The following TUBGCP2 variants were observed in gnomAD, a reference collection of about 807,000 sequenced individuals.
TUBGCP2 encodes the protein gamma-tubulin complex component 2.
Under a neutral mutation model 92.2 loss-of-function variants are expected in TUBGCP2, and 55 were observed. The observed-to-expected ratio is 0.60, with a 90% CI of 0.48 to 0.75. The LOEUF is 0.75. TUBGCP2 is among the 30% of genes least tolerant of loss of function. TUBGCP2 has a pLI of 0.00. For missense variants in TUBGCP2, 1,093 were observed against 1,188.9 expected (o/e 0.92, Z 1.19); for synonymous variants, 533 against 505.2 (o/e 1.06, Z -0.74).
chr10:133,285,159 G>A lies in TUBGCP2; in HGVS notation c.1950C>T (p.His650=), dbSNP rs772208289. 4.5e-5 allele frequency: 72 copies of A among 1,613,468 alleles called. No homozygotes were observed. The highest frequency in any genetic ancestry group is 1.3e-4 in the East Asian group (6 of 44,888). Residue 650 remains histidine (H), a synonymous_variant, in exon 13 of 18, where the codon CAC becomes CAT. Coordinates refer to ENST00000252936, the MANE Select transcript of TUBGCP2 (RefSeq NM_006659.4). The surrounding 1 kb of genome is among the most constrained non-coding windows in gnomAD (Gnocchi z 6.8). The part of the protein sequence containing the change: ...MLFRHMFYCK[H]VERQLCSVWI... ...AGACGCTGCAGAGCTGCCGCTCCAC[G>A]TGCTTGCAGTAGAACATGTGCCTGA...
In TUBGCP2 at chr10:133,279,035, G is replaced by C. The variant is rs1376026602; in HGVS notation, c.*731C>G. 6.6e-6 allele frequency: 1 copy of C among 152,354 alleles called. No homozygotes were observed. Among genetic ancestry groups the C allele is most frequent in the Non-Finnish European group, 1.5e-5 (1 of 68,116 alleles). 9.4% of individuals were successfully genotyped at this position (152,354 alleles called of 1,614,324 possible). ...CCCACTGTAGCCCTGGAGGTGGGAA[G>C]ACAGGGCAGATGATCGCCCGAGGGG... On this transcript the variant is annotated 3_prime_UTR_variant, in exon 18 of 18. Transcript: ENST00000252936.
intron 8 of TUBGCP2, chr10:133,290,896 C>T (rs1847269629): frequency 1.3e-5 from 2 of 152,966 alleles, no homozygotes; most frequent in South Asian, 2.1e-4. Context: ...ATAACATTTC[C>T]ACATCACTAA....
At chr10:133,309,755 T>C (rs779291673), upstream of TUBGCP2, 5 of 1,611,784 alleles carry the variant, frequency 3.1e-6, no homozygotes, top group Non-Finnish European at 4.2e-6. Flanking sequence ...GAAGGGCTCC[T>C]GAAGCACGTC....
At chr10:133,291,827 GTGTCCCCCA>G (rs1281975255) in intron 8 of TUBGCP2, among the ~76,000 whole-genome samples, 660 of 15,068 alleles carry the variant, frequency 0.044, 74 homozygotes, top group East Asian at 0.23. Context: ...ATGTCCCTCC[GTGTCCCCCA>G]TGTCCCTCCG....
chr10:133,295,559 G>A (rs939682583), intron 5 of TUBGCP2: 11 of 152,360 alleles, frequency 7.2e-5, no homozygotes, highest in East Asian at 1.9e-4. Context: ...CACCGAACAC[G>A]TGGCTCCTCC....
rs779381493 is a variant in TUBGCP2, at chr10:133,299,395, A to T, written c.456+32T>A. On this transcript the variant is annotated intron_variant, in intron 4 of 17. Coordinates refer to ENST00000252936, the MANE Select transcript of TUBGCP2 (RefSeq NM_006659.4). The stretch of plus-strand genomic sequence containing the variant: ...CCACGGACACAGGACCTGCTGCAGC[A>T]TGGAGCCTGTGGACAGCCATGGACG... 77 of 1,541,602 alleles carry T rather than the reference A, an allele frequency of 5.0e-5. No individual in the cohort carries two copies. The South Asian group carries it at 9.0e-4, about 18-fold the overall frequency.
upstream of TUBGCP2, chr10:133,308,977 G>A (rs1221068695): frequency 1.6e-6 from 2 of 1,243,528 alleles, no homozygotes; most frequent in Non-Finnish European, 2.0e-6. Flanking sequence ...CGCCCGCCTC[G>A]CTGCGGGGCC....
intron 1 of TUBGCP2, chr10:133,308,376 G>A (rs1589840540): frequency 6.6e-6 from 1 of 152,300 alleles, no homozygotes; most frequent in Admixed American, 6.5e-5. Context: ...TTGAACTAAA[G>A]TAACGGGAAG....
At chr10:133,309,380 T>C (rs754840384), upstream of TUBGCP2, 21 of 1,610,214 alleles carry the variant, frequency 1.3e-5, no homozygotes, top group Non-Finnish European at 1.8e-5. Flanking sequence ...ACGGCGCACT[T>C]TTCCTGCAGG....
At chr10:133,283,472 C>T (rs1209542935) in intron 14 of TUBGCP2, among the ~76,000 whole-genome samples, 1 of 152,264 alleles carries the variant, frequency 6.6e-6, no homozygotes, top group Non-Finnish European at 1.5e-5. Flanking sequence ...TTGGTACCAA[C>T]AGATTCTGCC....
At chr10:133,297,865 A>C (rs1847526060) in intron 5 of TUBGCP2, 87 bp downstream of exon 5, 1 of 1,558,544 alleles carries the variant, frequency 6.4e-7, no homozygotes, top group Non-Finnish European at 8.7e-7. Context: ...GGCCAGAAAT[A>C]AACACATGAC....
chr10:133,300,828 T>C (rs1034715311), intron 2 of TUBGCP2, among the ~76,000 whole-genome samples: 5 of 152,190 alleles, frequency 3.3e-5, no homozygotes, highest in African/African-American at 1.2e-4. Context: ...TTCCCCCCAG[T>C]AGTTTATGCG....
intron 4 of TUBGCP2, among the ~76,000 whole-genome samples, chr10:133,298,590 TG>T (rs1411397026): frequency 6.6e-6 from 1 of 152,238 alleles, no homozygotes; most frequent in Non-Finnish European, 1.5e-5. Context: ...TCCTGACATG[TG>T]GTCAGAGAGC....
intron 17 of TUBGCP2, among the ~76,000 whole-genome samples, chr10:133,280,579 G>A (rs1206329399): frequency 3.3e-5 from 5 of 152,220 alleles, no homozygotes; most frequent in African/African-American, 9.6e-5. Context: ...GCCGCAGGGT[G>A]CCAATGGGGC....
At chr10:133,297,652 G>A (rs925600390) in intron 5 of TUBGCP2, among the ~76,000 whole-genome samples, 7 of 152,222 alleles carry the variant, frequency 4.6e-5, no homozygotes, top group South Asian at 2.1e-4. Flanking sequence ...CCAGGATGCC[G>A]GCTGGGGAGG....
At position 133,308,227 on chromosome 10, in the gene TUBGCP2, G is replaced by A. The variant is rs560123655; in HGVS notation, c.-40+596C>T. ...TAGGTGACTCTTTACTCTGACGTCT[G>A]TCTCTCCTACAAGGCTGCCGCGCCC... On this transcript the variant is annotated intron_variant, in intron 1 of 17. Coordinates refer to ENST00000252936, the MANE Select transcript of TUBGCP2 (RefSeq NM_006659.4). Among the ~76,000 whole-genome samples, 20 of 152,292 alleles carry A rather than the reference G, an allele frequency of 1.3e-4. No individual in the cohort carries two copies. The South Asian group carries it at 2.3e-3, about 17-fold the overall frequency.
rs995234775 is a variant in TUBGCP2, at chr10:133,295,854, G to A, written c.617-2085C>T. ...CGTGGTGTGGCACTGGTCAAATCGT[G>A]GGGTGAGGAGCTAGACAGGCCCCGG... On this transcript the variant is annotated intron_variant, in intron 5 of 17. Transcript: ENST00000252936. 2.0e-5 allele frequency: 3 copies of A among 152,724 alleles called. No individual in the cohort carries two copies. In the East Asian group the frequency reaches 5.8e-4, roughly 29 times the overall value. The allele number at this position is 152,724 out of a possible 1,614,324, so 9.5% of individuals were successfully genotyped here. A position where few individuals can be genotyped will look rare whatever the true frequency, so the allele number is the denominator to read the frequency against.
chr10:133,280,977 T>C (rs1271697171), intron 17 of TUBGCP2, among the ~76,000 whole-genome samples: 4 of 107,424 alleles, frequency 3.7e-5, no homozygotes, highest in South Asian at 3.1e-4. Flanking sequence ...CAGGGGCAGG[T>C]GCTGGACTGA....
At position 133,293,192 on chromosome 10, in the gene TUBGCP2, C is replaced by T; in HGVS notation, c.871G>A (p.Ala291Thr). 4 of 1,613,842 alleles carry T rather than the reference C, an allele frequency of 2.5e-6. No individual in the cohort carries two copies. The highest frequency in any genetic ancestry group is 3.4e-6 in the Non-Finnish European group (4 of 1,180,042). The stretch of plus-strand genomic sequence containing the variant: ...AGGGTGCGCATGGCGGCCGCCAGGG[C>T]GTGGTTCACCTGCCCGTACTCGAAG... Reference protein sequence around the residue: ...SSFEYGQVNHALAAAMRTLVK... With the variant: ...SSFEYGQVNHTLAAAMRTLVK... The change falls in exon 7 of 18, where the codon GCC becomes ACC. Residue 291 changes from alanine (A) to threonine (T), a missense_variant. Coordinates refer to ENST00000252936, the MANE Select transcript of TUBGCP2 (RefSeq NM_006659.4).
Sources: gnomAD v4.1 joint callset for allele counts (sites outside exome capture counted in the v4.1 genomes callset) on GRCh38, gnomAD v4.1.1 for gene constraint, Gnocchi (gnomAD v3.1) non-coding constraint, MANE v1.5 for transcripts, NCBI Gene and HGNC (gene_info 2026-07-23, HGNC 2026-07-21) for gene names.